Variants in MCTP1 observed in about 807,000 individuals in gnomAD.
MCTP1 encodes the protein multiple C2 and transmembrane domain containing 1.
Under a neutral mutation model 120.6 loss-of-function variants are expected in MCTP1, and 69 were observed. The observed-to-expected ratio is 0.57, with a 90% CI of 0.47 to 0.70. The LOEUF is 0.70. Among genes scored for constraint, MCTP1 ranks in the 30% least tolerant of loss-of-function variants. The probability of loss-of-function intolerance (pLI) is 0.00; values close to 1 mark genes in which losing one functional copy is unlikely to be tolerated. For synonymous variants in MCTP1, 529 were observed against 493.1 expected, an observed-to-expected ratio of 1.07 and a Z score of -0.96; for missense variants, 1,203 against 1,248.8, an observed-to-expected ratio of 0.96 and a Z score of 0.55.
At chr5:94,884,523 T>A (rs1800810920) in intron 12 of MCTP1, among the ~76,000 whole-genome samples, 1 of 143,010 alleles carries the variant, frequency 7.0e-6, no homozygotes, top group Non-Finnish European at 1.5e-5. Flanking sequence ...GTTGAACGGT[T>A]CCCCAGGGAA....
intron 18 of MCTP1, among the ~76,000 whole-genome samples, chr5:94,784,598 G>T (rs1777245293): frequency 6.6e-6 from 1 of 151,980 alleles, no homozygotes; most frequent in Admixed American, 6.6e-5. Flanking sequence ...AATCAAGTCT[G>T]GGATATACTG....
In MCTP1 at chr5:95,015,571, T is replaced by A. The variant is rs1031354745; in HGVS notation, c.838+1796A>T. On this transcript the variant is annotated intron_variant, in intron 2 of 22. Coordinates refer to ENST00000515393, the MANE Select transcript of MCTP1 (RefSeq NM_024717.7). ...ATTTCTGTATTTCTTTTGGTAGAAA[T>A]GAGAAGACAACACACAAATTCTTAT... 1.2e-4 allele frequency among the ~76,000 whole-genome samples: 19 copies of A among 152,138 alleles called. 1 individual carries two copies. The highest frequency in any genetic ancestry group is 1.8e-4 in the Non-Finnish European group (12 of 67,996).
intron 12 of MCTP1, among the ~76,000 whole-genome samples, chr5:94,888,445 C>G (rs914495157): frequency 1.3e-5 from 2 of 152,060 alleles, no homozygotes; most frequent in African/African-American, 4.8e-5. Flanking sequence ...ACCCAAATAT[C>G]AAGAGTTGAT....
At chr5:95,276,363 A>G (rs1362569335) in intron 1 of MCTP1, among the ~76,000 whole-genome samples, 2 of 142,388 alleles carry the variant, frequency 1.4e-5, no homozygotes, top group African/African-American at 5.2e-5. Context: ...GGTTCAAGCG[A>G]TTCTCCTGTC....
rs1786417354 is a variant in MCTP1 at position 94,824,288 on chromosome 5, T to C, written c.2437-25156A>G. Among the ~76,000 whole-genome samples, 3 of 152,248 alleles carry C rather than the reference T, an allele frequency of 2.0e-5. No homozygotes were observed. The South Asian group carries it at 6.2e-4, about 31-fold the overall frequency. On this transcript the variant is annotated intron_variant, in intron 17 of 22. Transcript: ENST00000515393. ...AATTTTATTGAAGGCCTTTTCTCCATTTATTGAGCTAATCATGTGGTTTTT... is the reference window on the plus strand; with the variant it reads ...AATTTTATTGAAGGCCTTTTCTCCACTTATTGAGCTAATCATGTGGTTTTT...
At chr5:95,194,174 C>T (rs1750128468) in intron 1 of MCTP1, among the ~76,000 whole-genome samples, 1 of 151,524 alleles carries the variant, frequency 6.6e-6, no homozygotes, top group Non-Finnish European at 1.5e-5. Context: ...TATGATTGTG[C>T]CTGGGCAACA....
chr5:95,099,041 A>C (rs886921681), intron 1 of MCTP1, among the ~76,000 whole-genome samples: 2 of 151,138 alleles, frequency 1.3e-5, no homozygotes, highest in Admixed American at 6.6e-5. Context: ...CTATTTAATA[A>C]ATGGTGCTGG....
intron 1 of MCTP1, among the ~76,000 whole-genome samples, chr5:95,119,287 A>G (rs1298401104): frequency 6.6e-6 from 1 of 152,226 alleles, no homozygotes; most frequent in Non-Finnish European, 1.5e-5. Context: ...CTGAATAATC[A>G]GTGAGTCAAT....
At chr5:94,818,359 TG>T (rs936069680) in intron 17 of MCTP1, among the ~76,000 whole-genome samples, 6 of 152,222 alleles carry the variant, frequency 3.9e-5, no homozygotes, top group African/African-American at 1.4e-4. Context: ...CCATCACACC[TG>T]GCCCCCATCA....
chr5:95,131,539 T>C (rs1376101064), intron 1 of MCTP1, among the ~76,000 whole-genome samples: 2 of 152,268 alleles, frequency 1.3e-5, no homozygotes, highest in Non-Finnish European at 1.5e-5. Context: ...TTTGGTTTTA[T>C]GATATTAGGT....
chr5:94,995,168 C>T (rs1046764851), intron 2 of MCTP1, among the ~76,000 whole-genome samples: 2 of 152,134 alleles, frequency 1.3e-5, no homozygotes, highest in African/African-American at 4.8e-5. Flanking sequence ...CTGACTAAGA[C>T]GGGGGGCAGT....
At chr5:95,087,460 A>G (rs73140045) in intron 1 of MCTP1, among the ~76,000 whole-genome samples, 11,720 of 152,148 alleles carry the variant, frequency 0.077, 1,525 homozygotes, top group African/African-American at 0.27. Flanking sequence ...GCTTCCTTTA[A>G]AGGAGACAGT....
In MCTP1 at chr5:94,863,459, T is replaced by C. The variant is rs1045209488; in HGVS notation, c.2436+4874A>G. Among the ~76,000 whole-genome samples, 17 of 151,870 alleles carry C rather than the reference T, an allele frequency of 1.1e-4. 1 individual carries two copies. The highest frequency in any genetic ancestry group is 4.1e-4 in the African/African-American group (17 of 41,408). On this transcript the variant is annotated intron_variant, in intron 17 of 22. Transcript: ENST00000515393. ...GTCTCTTAAATTTTCAGAATAGATA[T>C]TTCTGTTATAAACTTAAAGTGACCT...
intron 1 of MCTP1, among the ~76,000 whole-genome samples, chr5:95,157,771 G>T (rs573901499): frequency 9.8e-5 from 15 of 152,290 alleles, no homozygotes; most frequent in African/African-American, 2.9e-4. Context: ...TCAGCAAACT[G>T]TGGCTCACGG....
chr5:95,229,639 G>T (rs1459997048), intron 1 of MCTP1, among the ~76,000 whole-genome samples: 1 of 151,982 alleles, frequency 6.6e-6, no homozygotes, highest in Non-Finnish European at 1.5e-5. Flanking sequence ...TACTCAAGAG[G>T]CTGAGGCAGG....
chr5:94,819,989 T>A (rs897621912), intron 17 of MCTP1, among the ~76,000 whole-genome samples: 1 of 152,228 alleles, frequency 6.6e-6, no homozygotes, highest in Non-Finnish European at 1.5e-5. Flanking sequence ...GTTGTCTTGA[T>A]GGACAAGAAT....
intron 1 of MCTP1, among the ~76,000 whole-genome samples, chr5:95,237,750 C>T (rs1378407374): frequency 1.3e-5 from 2 of 152,112 alleles, no homozygotes; most frequent in Admixed American, 6.5e-5. Context: ...AATTCATTTT[C>T]GTGATCCCAG....
Position 95,266,162 on chromosome 5 carries a change from C to T in MCTP1, c.720+17694G>A, listed in dbSNP as rs73776347. ...GAGGCCAGTCTACAGATTTTTCCTCCTAAAAATCAATCCAAGTGCCCTGCA... is the reference window on the plus strand; with the variant it reads ...GAGGCCAGTCTACAGATTTTTCCTCTTAAAAATCAATCCAAGTGCCCTGCA... On this transcript the variant is annotated intron_variant, in intron 1 of 22. Transcript: ENST00000515393. Among the ~76,000 whole-genome samples the T allele has an allele frequency of 6.5e-3, 996 of 152,260 alleles. 13 individuals are homozygous for T. The highest frequency in any genetic ancestry group is 0.022 in the African/African-American group (920 of 41,532).
chr5:94,979,724 A>G (rs1828980961), intron 2 of MCTP1: 1 of 152,084 alleles, frequency 6.6e-6, no homozygotes. Context: ...ACTAGATAGA[A>G]AAAAAACACT....
Sources: allele counts gnomAD v4.1 joint callset (sites outside exome capture counted in the v4.1 genomes callset), GRCh38; gene constraint gnomAD v4.1.1; transcripts MANE v1.5; gene names NCBI Gene and HGNC (gene_info 2026-07-23, HGNC 2026-07-21).